The following LRRC2 variants were observed in gnomAD, a reference collection of about 807,000 sequenced individuals.
LRRC2 encodes leucine rich repeat containing 2.
A neutral mutation model predicts 40.2 loss-of-function variants in LRRC2; 27 were observed. The observed-to-expected ratio is 0.67, with a 90% confidence interval of 0.49 to 0.93. LRRC2 has a LOEUF of 0.93. Among genes scored for constraint, LRRC2 ranks in the 40% least tolerant of loss-of-function variants. The pLI is 0.00. For missense variants in LRRC2, 402 were observed against 439.6 expected (o/e 0.91, Z 0.76); for synonymous variants, 147 against 158.9 (o/e 0.92, Z 0.56).
At chr3:46,552,344 G>C (rs540680555) in intron 1 of LRRC2, among the ~76,000 whole-genome samples, 2 of 149,652 alleles carry the variant, frequency 1.3e-5, no homozygotes, top group Middle Eastern at 3.4e-3. Context: ...CCTCTCTCAA[G>C]TAGAACGGAA....
At chr3:46,556,871 C>T (rs988483982) in intron 1 of LRRC2, among the ~76,000 whole-genome samples, 8 of 152,270 alleles carry the variant, frequency 5.3e-5, no homozygotes, top group African/African-American at 1.7e-4. Context: ...GCCATCGCGC[C>T]CAGCCCCAGC....
chr3:46,550,624 C>T (rs1373307489), intron 2 of LRRC2, among the ~76,000 whole-genome samples: 2 of 152,178 alleles, frequency 1.3e-5, no homozygotes, highest in Admixed American at 1.3e-4. Flanking sequence ...ATCTCCTGAC[C>T]TTGTGATCCG....
At chr3:46,522,232 G>A (rs1202953070) in intron 7 of LRRC2, among the ~76,000 whole-genome samples, 2 of 151,852 alleles carry the variant, frequency 1.3e-5, no homozygotes, top group Admixed American at 1.3e-4. Flanking sequence ...AAAATTAGCT[G>A]GGTGTGGTGG....
At chr3:46,537,871 G>A (rs1000011222) in intron 4 of LRRC2, among the ~76,000 whole-genome samples, 2 of 152,236 alleles carry the variant, frequency 1.3e-5, no homozygotes, top group Non-Finnish European at 2.9e-5. Flanking sequence ...TTTACCAAGC[G>A]TGATGCAGAT....
intron 3 of LRRC2, among the ~76,000 whole-genome samples, chr3:46,543,308 T>C (rs1173464645): frequency 6.6e-6 from 1 of 152,044 alleles, no homozygotes; most frequent in African/African-American, 2.4e-5. Context: ...CCCTTTACCA[T>C]ACCGGGCACA....
At chr3:46,562,354 T>C (rs1184040443) in intron 1 of LRRC2, among the ~76,000 whole-genome samples, 1 of 152,174 alleles carries the variant, frequency 6.6e-6, no homozygotes, top group Non-Finnish European at 1.5e-5. Context: ...GTGGACATCT[T>C]GACCACAACT....
chr3:46,533,656 A>G (rs1704199253), intron 4 of LRRC2, among the ~76,000 whole-genome samples: 1 of 152,132 alleles, frequency 6.6e-6, no homozygotes, highest in African/African-American at 2.4e-5. Flanking sequence ...TAAATAGACT[A>G]CTGCACTGAA....
At chr3:46,532,683 A>G (rs1354561317) in intron 5 of LRRC2, 90 bp downstream of exon 5, 4 of 1,300,102 alleles carry the variant, frequency 3.1e-6, no homozygotes, top group Non-Finnish European at 4.3e-6. Context: ...GATAGATTTC[A>G]TATGTTAAAA....
At chr3:46,539,906 C>T (rs949280045) in intron 3 of LRRC2, among the ~76,000 whole-genome samples, 48 of 152,100 alleles carry the variant, frequency 3.2e-4, no homozygotes, top group African/African-American at 1.0e-3. Context: ...CGAGAGTTAC[C>T]GAGCCCCCAT....
intron 4 of LRRC2, among the ~76,000 whole-genome samples, chr3:46,533,297 T>C (rs1031015029): frequency 3.3e-5 from 5 of 152,206 alleles, no homozygotes; most frequent in African/African-American, 1.2e-4. Context: ...TCAGACCTAA[T>C]TTCCAGTAAG....
chr3:46,537,793 T>C (rs1159692658), intron 4 of LRRC2, among the ~76,000 whole-genome samples: 1 of 152,262 alleles, frequency 6.6e-6, no homozygotes, highest in East Asian at 1.9e-4. Context: ...GTTTCATGGA[T>C]ACCGACAGAA....
chr3:46,548,720 C>T (rs1293486593), intron 2 of LRRC2, among the ~76,000 whole-genome samples: 1 of 152,210 alleles, frequency 6.6e-6, no homozygotes, highest in Non-Finnish European at 1.5e-5. Flanking sequence ...CCCTCTAAAT[C>T]AGCAGTCCTC....
chr3:46,557,080 C>T (rs989173594), intron 1 of LRRC2, among the ~76,000 whole-genome samples: 1 of 152,174 alleles, frequency 6.6e-6, no homozygotes, highest in Non-Finnish European at 1.5e-5. Flanking sequence ...GCCAAGCCAT[C>T]GAATCCCCTG....
At chr3:46,553,975 G>T (rs1362090780) in intron 1 of LRRC2, among the ~76,000 whole-genome samples, 1 of 151,356 alleles carries the variant, frequency 6.6e-6, no homozygotes, top group Non-Finnish European at 1.5e-5. Flanking sequence ...GACTGCCTTT[G>T]TTTGTTGTTG....
At chr3:46,536,804 T>C (rs964581462) in intron 4 of LRRC2, among the ~76,000 whole-genome samples, 1 of 152,026 alleles carries the variant, frequency 6.6e-6, no homozygotes, top group Non-Finnish European at 1.5e-5. Context: ...AGTACATTGG[T>C]GTAGTGTGGG....
chr3:46,543,548 G>A (rs1023327223), intron 3 of LRRC2, among the ~76,000 whole-genome samples: 6 of 151,876 alleles, frequency 4.0e-5, no homozygotes, highest in Admixed American at 2.0e-4. Flanking sequence ...CCCGGGAGGC[G>A]GAGCTTGCAG....
chr3:46,522,899 C>T (rs774396886), intron 7 of LRRC2, among the ~76,000 whole-genome samples: 158 of 151,932 alleles, frequency 1.0e-3, no homozygotes, highest in Non-Finnish European at 1.1e-3. Flanking sequence ...GTAATTATTT[C>T]AATTCAAAAC....
chr3:46,550,775 T>C (rs561608120), intron 2 of LRRC2, among the ~76,000 whole-genome samples: 50 of 152,306 alleles, frequency 3.3e-4, no homozygotes, highest in Admixed American at 2.9e-3. Flanking sequence ...TCTTTGAGAA[T>C]GGGTCTGCCA....
intron 3 of LRRC2, 67 bp downstream of exon 3, chr3:46,544,979 C>A (rs1336314464): frequency 4.2e-6 from 6 of 1,444,646 alleles, no homozygotes; most frequent in African/African-American, 1.4e-5. Flanking sequence ...TTCATTCATC[C>A]TTGGGCTCAG....
Sources: allele counts gnomAD v4.1 joint callset (sites outside exome capture counted in the v4.1 genomes callset), GRCh38; gene constraint gnomAD v4.1.1; transcripts MANE v1.5; gene names NCBI Gene and HGNC (gene_info 2026-07-23, HGNC 2026-07-21).